Variants in ADAMTS1 observed in about 807,000 individuals in gnomAD.
ADAMTS1 encodes A disintegrin and metalloproteinase with thrombospondin motifs 1.
In ADAMTS1, 19 loss-of-function variants were observed where a neutral mutation model predicts 87.9. The ratio of observed to expected loss-of-function variants is 0.22; its 90% CI spans 0.15 to 0.32. The LOEUF (loss-of-function observed/expected upper bound fraction) is 0.32. Among genes scored for constraint, ADAMTS1 ranks in the 10% least tolerant of loss-of-function variants. ADAMTS1 has a pLI of 1.00. For synonymous variants in ADAMTS1, 542 were observed against 501.8 expected (o/e 1.08, Z -1.07); for missense variants, 1,240 against 1,259.1 (o/e 0.98, Z 0.23).
chr21:26,844,425 G>A lies in ADAMTS1; in HGVS notation c.530C>T (p.Pro177Leu), dbSNP rs765977375. 3.3e-5 allele frequency: 52 copies of A among 1,588,550 alleles called. No individual in the cohort carries two copies. The highest frequency in any genetic ancestry group is 4.0e-5 in the Non-Finnish European group (47 of 1,167,934). The change falls in exon 1 of 9, where the codon CCG becomes CTG. Residue 177 changes from proline to leucine, a missense_variant. Pro to Leu is a moderately conservative substitution (Grantham distance 98). Coordinates refer to ENST00000284984, the MANE Select transcript of ADAMTS1 (RefSeq NM_006988.5). The part of the protein sequence containing the change: ...RLATAAPGEK[P>L]PAPLQFHLLR... ...GAGGTGGAACTGTAGTGGTGCCGGC[G>A]GCTTCTCCCCTGGGGCGGCGGTGGC... is the stretch of plus-strand genomic sequence containing the variant.
intron 7 of ADAMTS1, 146 bp downstream of exon 7, chr21:26,839,441 C>G: frequency 1.4e-6 from 1 of 726,868 alleles, no homozygotes; most frequent in East Asian, 2.6e-5. Flanking sequence ...CAGGCAGTTG[C>G]CAATTAATGT....
intron 3 of ADAMTS1, 172 bp from the exon 4 acceptor site, chr21:26,841,337 G>A (rs1985489841): frequency 3.2e-6 from 2 of 619,660 alleles, no homozygotes; most frequent in Admixed American, 3.1e-5. Flanking sequence ...AAATTAGCCG[G>A]GTGTGGTGGC....
Position 26,844,332 on chromosome 21 carries a change from G to T in ADAMTS1, c.623C>A (p.Thr208Asn), listed in dbSNP as rs1034765691. The stretch of plus-strand genomic sequence containing the variant: ...CTCGTCTTCGGTCTCCGCTTTCCCA[G>T]TCGGCCGGGGCTCGTCGTCCACGAC... ...CGVVDDEPRP[T>N]GKAETEDEDE... Residue 208 changes from threonine to asparagine, a missense_variant, in exon 1 of 9, where the codon ACT becomes AAT. This residue lies in a region of ADAMTS1 where 521 missense variants were observed against 449.7 expected (regional missense o/e 1.16). Transcript: ENST00000284984. 6.2e-7 allele frequency: 1 copy of T among 1,607,274 alleles called. No homozygotes were observed. The highest frequency in any genetic ancestry group is 1.7e-5 in the Admixed American group (1 of 59,680).
rs773507330 is a variant in ADAMTS1, at chr21:26,837,877, G to T, written c.2606C>A (p.Ser869Ter). 6.2e-7 allele frequency: 1 copy of T among 1,614,158 alleles called. No homozygotes were observed. The highest frequency in any genetic ancestry group is 8.5e-7 in the Non-Finnish European group (1 of 1,180,040). ...VIEEWGECSK[S>*]CELGWQRRLV... ...TCTTCTCTGCCAACCCAATTCACAT[G>T]ACTTAGAACATTCGCCCCACTCTTC... Residue 869 changes from serine (S) to a stop codon, truncating the protein, a stop_gained, in exon 9 of 9, where the codon TCA (serine) becomes TAA (stop). Coordinates refer to ENST00000284984, the MANE Select transcript of ADAMTS1 (RefSeq NM_006988.5). LOFTEE classifies it high-confidence loss of function.
In ADAMTS1 at chr21:26,838,448, G is replaced by A. The variant is rs373231583; in HGVS notation, c.2195C>T (p.Thr732Ile). The change falls in exon 8 of 9, where the codon ACT becomes ATT. Residue 732 changes from threonine (T) to isoleucine (I), a missense_variant. By Grantham distance (89) the Thr-to-Ile change is moderately conservative. This residue lies in a region of ADAMTS1 where 402 missense variants were observed against 399.1 expected (regional missense o/e 1.01). Coordinates refer to ENST00000284984, the MANE Select transcript of ADAMTS1 (RefSeq NM_006988.5). ...GTGTTTTAAAACTTACTTTGCACTA[G>A]TAACTGATCCTGATATTTTTTTACA... ...STCKKISGSV[T>I]SAKPGYHDII... The A allele has an allele frequency of 3.8e-5, 61 of 1,614,034 alleles. No individual in the cohort carries two copies. Among genetic ancestry groups the A allele is most frequent in the Non-Finnish European group, 5.0e-5 (59 of 1,180,032 alleles).
chr21:26,844,415 T>C lies in ADAMTS1; in HGVS notation c.540A>G (p.Pro180=). The part of the protein sequence containing the change: ...TAAPGEKPPA[P]LQFHLLRRNR... Reference sequence around the variant, plus strand: ...TCCGCCGCAGGAGGTGGAACTGTAGTGGTGCCGGCGGCTTCTCCCCTGGGG... The same window carrying C: ...TCCGCCGCAGGAGGTGGAACTGTAGCGGTGCCGGCGGCTTCTCCCCTGGGG... The change falls in exon 1 of 9, where the codon CCA becomes CCG. Residue 180 remains proline (P), a synonymous_variant. Coordinates refer to ENST00000284984, the MANE Select transcript of ADAMTS1 (RefSeq NM_006988.5). The C allele has an allele frequency of 6.3e-7, 1 of 1,590,858 alleles. No homozygotes were observed. Among genetic ancestry groups the C allele is most frequent in the Non-Finnish European group, 8.6e-7 (1 of 1,169,322 alleles).
Position 26,841,861 on chromosome 21 carries a change from A to G in ADAMTS1, c.1207T>C (p.Leu403=). The G allele has an allele frequency of 6.2e-7, 1 of 1,611,782 alleles. No individual in the cohort carries two copies. Among genetic ancestry groups the G allele is most frequent in the South Asian group, 1.1e-5 (1 of 90,284 alleles). Reference sequence around the variant, plus strand: ...TTCTACTTTGAAGCAGACTTACCTAATTCATGGGCTGTGGTGAAGGCAGCT... The same window carrying G: ...TTCTACTTTGAAGCAGACTTACCTAGTTCATGGGCTGTGGTGAAGGCAGCT... ...LQAAFTTAHE[L]GHVFNMPHDD... is the part of the protein sequence containing the mutation. Residue 403 remains leucine, a synonymous_variant, in exon 3 of 9, where the codon TTA becomes CTA. Coordinates refer to ENST00000284984, the MANE Select transcript of ADAMTS1 (RefSeq NM_006988.5).
In ADAMTS1 at chr21:26,837,543, T is replaced by C. The variant is rs116406019; in HGVS notation, c.*36A>G. Reference sequence around the variant, plus strand: ...TTCCCTGCACCAGCCCTTCCTCACTTTGCCTTGCCCTCAAAGCTAACACCA... The same window carrying C: ...TTCCCTGCACCAGCCCTTCCTCACTCTGCCTTGCCCTCAAAGCTAACACCA... On this transcript the variant is annotated 3_prime_UTR_variant, in exon 9 of 9. Coordinates refer to ENST00000284984, the MANE Select transcript of ADAMTS1 (RefSeq NM_006988.5). 2,559 of 1,591,204 alleles carry C rather than the reference T, an allele frequency of 1.6e-3. 43 individuals carry two copies. In the African/African-American group the frequency reaches 0.029, roughly 18 times the overall value.
rs754506820 is a variant in ADAMTS1, at chr21:26,837,729, T to A, written c.2754A>T (p.Ser918=). The stretch of plus-strand genomic sequence containing the variant: ...CCTTCCCACAGGTCTTAGAACATGA[T>A]GACCACTCCCCCAGCTGCCACTGGG... ...PCPQWQLGEW[S]SCSKTCGKGY... The change falls in exon 9 of 9, where the codon TCA becomes TCT. Residue 918 remains serine, a synonymous_variant. Coordinates refer to ENST00000284984, the MANE Select transcript of ADAMTS1 (RefSeq NM_006988.5). 5 of 1,614,212 alleles carry A rather than the reference T, an allele frequency of 3.1e-6. No individual in the cohort carries two copies. Among genetic ancestry groups the A allele is most frequent in the African/African-American group, 2.7e-5 (2 of 75,056 alleles).
intron 1 of ADAMTS1, chr21:26,843,615 G>A (rs1403664622): frequency 2.2e-6 from 1 of 462,156 alleles, no homozygotes; most frequent in Non-Finnish European, 4.5e-6. Context: ...GCAAACCCGG[G>A]AAAGACCTCC....
In ADAMTS1 at chr21:26,842,497, C is replaced by G. The variant is rs756331794; in HGVS notation, c.919G>C (p.Val307Leu). The change falls in exon 2 of 9, where the codon GTG becomes CTG. Residue 307 changes from valine to leucine, a missense_variant. This residue lies in a region of ADAMTS1 where 521 missense variants were observed against 449.7 expected (regional missense o/e 1.16). Transcript: ENST00000284984. Reference sequence around the variant, plus strand: ...TCATCGTGGATGACCAAGATCTTCACCACCACCAGGCTAACTGAATTACGA... The same window carrying G: ...TCATCGTGGATGACCAAGATCTTCAGCACCACCAGGCTAACTGAATTACGA... Reference protein sequence around the residue: ...SIRNSVSLVVVKILVIHDEQK... With the variant: ...SIRNSVSLVVLKILVIHDEQK... 6.2e-7 allele frequency: 1 copy of G among 1,614,168 alleles called. No homozygotes were observed. The highest frequency in any genetic ancestry group is 8.5e-7 in the Non-Finnish European group (1 of 1,180,040).
At chr21:26,843,198 C>T (rs936291441) in intron 1 of ADAMTS1, among the ~76,000 whole-genome samples, 1 of 152,194 alleles carries the variant, frequency 6.6e-6, no homozygotes, top group Non-Finnish European at 1.5e-5. Flanking sequence ...TGGGGTGCTC[C>T]GCTCTTGCCA....
chr21:26,845,254 G>C lies in ADAMTS1; in HGVS notation c.-300C>G, dbSNP rs1384707906. 12 of 322,542 alleles carry C rather than the reference G, an allele frequency of 3.7e-5. No homozygotes were observed. The highest frequency in any genetic ancestry group is 1.7e-5 in the Non-Finnish European group (3 of 177,920). The allele number at this position is 322,542 out of a possible 1,614,324, so 20.0% of individuals were successfully genotyped here. ...AGAAGCGCTCTGGGGCGCCTCCGGG[G>C]CTGAGGCAACGCGGAGATTGGTGCC... On this transcript the variant is annotated 5_prime_UTR_variant, in exon 1 of 9. Transcript: ENST00000284984.
chr21:26,842,460 G>A lies in ADAMTS1; in HGVS notation c.956C>T (p.Pro319Leu), dbSNP rs143363765. The A allele has an allele frequency of 1.0e-4, 168 of 1,613,934 alleles. No individual in the cohort carries two copies. Among genetic ancestry groups the A allele is most frequent in the Non-Finnish European group, 1.3e-4 (158 of 1,180,018 alleles). ...ILVIHDEQKG[P>L]EVTSNAALTL... The stretch of plus-strand genomic sequence containing the variant: ...GAGGGCAGCATTGGAGGTCACTTCC[G>A]GCCCCTTCTGTTCATCGTGGATGAC... Residue 319 changes from proline to leucine, a missense_variant, in exon 2 of 9, where the codon CCG becomes CTG. Coordinates refer to ENST00000284984, the MANE Select transcript of ADAMTS1 (RefSeq NM_006988.5).
chr21:26,843,019 C>T (rs1041815), intron 1 of ADAMTS1: 218,112 of 295,156 alleles, frequency 0.74, 82,221 homozygotes, highest in African/African-American at 0.88. Flanking sequence ...GGAGCAAGAG[C>T]GGCAGGCAGA....
At position 26,837,628 on chromosome 21, in the gene ADAMTS1, T is replaced by C; in HGVS notation, c.2855A>G (p.Lys952Arg). 6.2e-7 allele frequency: 1 copy of C among 1,614,232 alleles called. No individual in the cohort carries two copies. Residue 952 changes from lysine to arginine, a missense_variant, in exon 9 of 9, where the codon AAG becomes AGG. Lys to Arg is a conservative substitution (Grantham distance 26). Around this residue, in one of 3 missense-constraint regions of ADAMTS1, gnomAD observed 402 missense variants for 399.1 expected, o/e 1.01. Coordinates refer to ENST00000284984, the MANE Select transcript of ADAMTS1 (RefSeq NM_006988.5). Reference protein sequence around the residue: ...VLSHESCDPLKKPKHFIDFCT... With the variant: ...VLSHESCDPLRKPKHFIDFCT... ...AAAGTCTATGAAATGTTTAGGTTTCTTTAAAGGATCACAGCTCTCATGAGA... is the reference window on the plus strand; with the variant it reads ...AAAGTCTATGAAATGTTTAGGTTTCCTTAAAGGATCACAGCTCTCATGAGA...
intron 3 of ADAMTS1, chr21:26,841,580 GA>G (rs1366277578): frequency 3.0e-6 from 1 of 332,546 alleles, no homozygotes; most frequent in African/African-American, 2.1e-5. Flanking sequence ...TCTAGAGAAA[GA>G]AATATATTTA....
At position 26,840,991 on chromosome 21, in the gene ADAMTS1, ATC is replaced by A; in HGVS notation, c.1378+5_1378+6del. 1 of 1,611,960 alleles carries A rather than the reference ATC, an allele frequency of 6.2e-7. No individual in the cohort carries two copies. Among genetic ancestry groups the A allele is most frequent in the South Asian group, 1.1e-5 (1 of 91,024 alleles). On this transcript the variant is annotated splice_donor_5th_base_variant and intron_variant, in intron 4 of 8. Coordinates refer to ENST00000284984, the MANE Select transcript of ADAMTS1 (RefSeq NM_006988.5). ...GCCATCTAGAGAGAGTAGCTGGAAT[ATC>A]TCACCATGACCATTATCCAGAAATG...
intron 1 of ADAMTS1, chr21:26,843,729 C>T (rs751538543): frequency 8.0e-6 from 4 of 501,978 alleles, no homozygotes; most frequent in Non-Finnish European, 1.2e-5. Context: ...CCTAGCGTAG[C>T]CGCTCAGGGT....
Sources: allele counts gnomAD v4.1 joint callset (sites outside exome capture counted in the v4.1 genomes callset), GRCh38; gene constraint gnomAD v4.1.1; regional missense constraint gnomAD v4.1.1; transcripts MANE v1.5; gene names NCBI Gene and HGNC (gene_info 2026-07-23, HGNC 2026-07-21).